Variants in GPC6 observed in about 807,000 individuals in gnomAD.
GPC6 encodes glypican-6.
Under a neutral mutation model 55.2 loss-of-function variants are expected in GPC6, and 14 were observed. The ratio of observed to expected loss-of-function variants is 0.25; its 90% confidence interval spans 0.17 to 0.40. The LOEUF is 0.40. GPC6 is among the 10% of genes least tolerant of loss of function. GPC6 has a pLI of 1.00. For synonymous variants in GPC6, 278 were observed against 259.6 expected (o/e 1.07, Z -0.68); for missense variants, 641 against 708.5 (o/e 0.90, Z 1.08).
At chr13:94,064,338 C>T (rs1566356413) in intron 4 of GPC6, among the ~76,000 whole-genome samples, 1 of 152,070 alleles carries the variant, frequency 6.6e-6, no homozygotes, top group Non-Finnish European at 1.5e-5. Flanking sequence ...CCCCATTTTC[C>T]TCTATCACCA....
intron 5 of GPC6, among the ~76,000 whole-genome samples, chr13:94,290,420 C>G (rs1217441688): frequency 1.7e-5 from 2 of 117,064 alleles, no homozygotes; most frequent in African/African-American, 6.8e-5. Flanking sequence ...GACTCTGGCT[C>G]TAGAAAGGTA....
chr13:93,653,363 A>G (rs917317377), intron 2 of GPC6, among the ~76,000 whole-genome samples: 3 of 152,198 alleles, frequency 2.0e-5, no homozygotes, highest in African/African-American at 4.8e-5. Flanking sequence ...AAGGATATGC[A>G]TATGTCATGA....
chr13:93,817,960 T>G (rs1243081453), intron 2 of GPC6, among the ~76,000 whole-genome samples: 2 of 147,918 alleles, frequency 1.4e-5, no homozygotes, highest in East Asian at 3.9e-4. Context: ...TATACCTATA[T>G]ATATAATACA....
intron 2 of GPC6, among the ~76,000 whole-genome samples, chr13:93,621,633 A>G (rs575930776): frequency 1.3e-5 from 2 of 152,316 alleles, no homozygotes; most frequent in South Asian, 4.1e-4. Context: ...GTTCAAAAAT[A>G]TAGTAATAGA....
Position 93,361,738 on chromosome 13 carries a change from A to G in GPC6, c.160+134122A>G, listed in dbSNP as rs75071374. Among the ~76,000 whole-genome samples the G allele has an allele frequency of 1.7e-3, 259 of 152,328 alleles. 7 individuals are homozygous for G. The East Asian group carries it at 0.048, about 28-fold the overall frequency. Reference sequence around the variant, plus strand: ...TGCGAGACCCTGCAAATGCTAACAGACAGAGATAAATGAAAGATACAGGAA... The same window carrying G: ...TGCGAGACCCTGCAAATGCTAACAGGCAGAGATAAATGAAAGATACAGGAA... On this transcript the variant is annotated intron_variant, in intron 1 of 8. Coordinates refer to ENST00000377047, the MANE Select transcript of GPC6 (RefSeq NM_005708.5).
chr13:93,254,664 C>T (rs1487078542), intron 1 of GPC6, among the ~76,000 whole-genome samples: 1 of 151,692 alleles, frequency 6.6e-6, no homozygotes, highest in African/African-American at 2.4e-5. Flanking sequence ...TATTCTGTTT[C>T]AGTTTGCATA....
intron 4 of GPC6, among the ~76,000 whole-genome samples, chr13:94,059,342 G>A (rs1441884377): frequency 6.6e-6 from 1 of 151,784 alleles, no homozygotes; most frequent in African/African-American, 2.4e-5. Context: ...GGAAGGAAAT[G>A]TTTTTCTCTC....
chr13:93,440,286 C>T lies in GPC6; in HGVS notation c.161-104977C>T, dbSNP rs189894514. Among the ~76,000 whole-genome samples, 843 of 152,264 alleles carry T rather than the reference C, an allele frequency of 5.5e-3. 5 individuals are homozygous for T. The highest frequency in any genetic ancestry group is 0.019 in the African/African-American group (779 of 41,534). On this transcript the variant is annotated intron_variant, in intron 1 of 8. Coordinates refer to ENST00000377047, the MANE Select transcript of GPC6 (RefSeq NM_005708.5). ...CTGTCACAAGTTGGGCAATTACAGG[C>T]GAGAGTTTTGTTACCTCCTGAGTTT...
chr13:93,684,272 G>A (rs1881959561), intron 2 of GPC6, among the ~76,000 whole-genome samples: 2 of 151,956 alleles, frequency 1.3e-5, no homozygotes, highest in Non-Finnish European at 2.9e-5. Flanking sequence ...TGCAACCTGC[G>A]CCTCCTGGGT....
chr13:93,233,603 A>AG (rs1876136225), intron 1 of GPC6, among the ~76,000 whole-genome samples: 1 of 152,210 alleles, frequency 6.6e-6, no homozygotes, highest in Non-Finnish European at 1.5e-5. Context: ...CATAGCACTA[A>AG]GGACACCTGG....
chr13:93,748,733 G>A (rs1372820850), intron 2 of GPC6, among the ~76,000 whole-genome samples: 8 of 152,004 alleles, frequency 5.3e-5, no homozygotes, highest in Admixed American at 1.3e-4. Context: ...TTTATTAATT[G>A]TCCAGCGGAT....
intron 1 of GPC6, among the ~76,000 whole-genome samples, chr13:93,490,321 A>C (rs1594207771): frequency 6.6e-6 from 1 of 151,490 alleles, no homozygotes; most frequent in Admixed American, 6.5e-5. Context: ...AAAGTACTAT[A>C]ATCTGTCTTC....
At chr13:93,975,748 G>C (rs1055881404) in intron 3 of GPC6, among the ~76,000 whole-genome samples, 1 of 152,026 alleles carries the variant, frequency 6.6e-6, no homozygotes, top group Non-Finnish European at 1.5e-5. Flanking sequence ...CATACATTTA[G>C]AATGCCATTT....
At chr13:93,646,802 G>A (rs1880191113) in intron 2 of GPC6, among the ~76,000 whole-genome samples, 1 of 151,538 alleles carries the variant, frequency 6.6e-6, no homozygotes, top group Non-Finnish European at 1.5e-5. Flanking sequence ...GTATCATGAT[G>A]TCTGTGGTGG....
At chr13:94,031,299 T>G (rs1258424959) in intron 4 of GPC6, among the ~76,000 whole-genome samples, 1 of 152,210 alleles carries the variant, frequency 6.6e-6, no homozygotes, top group Non-Finnish European at 1.5e-5. Context: ...GAAAACTTCC[T>G]TACAACATTG....
intron 3 of GPC6, among the ~76,000 whole-genome samples, chr13:93,892,756 A>T (rs1379934666): frequency 2.0e-5 from 3 of 151,948 alleles, no homozygotes; most frequent in Non-Finnish European, 4.4e-5. Flanking sequence ...CATATCATTA[A>T]CCTCTTTCCA....
chr13:93,426,360 A>G (rs959416125), intron 1 of GPC6, among the ~76,000 whole-genome samples: 1 of 150,996 alleles, frequency 6.6e-6, no homozygotes, highest in African/African-American at 2.4e-5. Context: ...AGCATTAGGT[A>G]TATCTCCTAA....
chr13:94,026,658 A>G (rs995930801), intron 3 of GPC6, among the ~76,000 whole-genome samples: 8 of 152,264 alleles, frequency 5.3e-5, no homozygotes, highest in Admixed American at 3.9e-4. Context: ...ACATACTACT[A>G]TAAAGCACTG....
At chr13:93,265,398 A>G (rs943454865) in intron 1 of GPC6, among the ~76,000 whole-genome samples, 1 of 152,220 alleles carries the variant, frequency 6.6e-6, no homozygotes, top group Non-Finnish European at 1.5e-5. Context: ...GCATGACACC[A>G]TAAGTAGAGA....
Sources: allele counts gnomAD v4.1 joint callset (sites outside exome capture counted in the v4.1 genomes callset), GRCh38; gene constraint gnomAD v4.1.1; transcripts MANE v1.5; gene names NCBI Gene and HGNC (gene_info 2026-07-23, HGNC 2026-07-21).